The following ZMAT4 variants were observed in gnomAD, a reference collection of about 807,000 sequenced individuals.
The protein encoded by ZMAT4 is zinc finger matrin-type 4.
ZMAT4 carries 17 observed loss-of-function variants against 28.7 expected under a neutral mutation model. The observed-to-expected ratio is 0.59, with a 90% CI of 0.41 to 0.89. The LOEUF (loss-of-function observed/expected upper bound fraction) is 0.89. Ranked by LOEUF, ZMAT4 falls within the 40% of genes least tolerant of loss-of-function variation. The pLI is 0.00. For missense variants in ZMAT4, 240 were observed against 283.8 expected, an observed-to-expected ratio of 0.85 and a Z score of 1.11; for synonymous variants, 117 against 109.2, an observed-to-expected ratio of 1.07 and a Z score of -0.44.
At chr8:40,813,751 T>C (rs1815420863) in intron 2 of ZMAT4, among the ~76,000 whole-genome samples, 1 of 152,194 alleles carries the variant, frequency 6.6e-6, no homozygotes, top group Non-Finnish European at 1.5e-5. Context: ...ATGGAATTAA[T>C]GAAAAACATC....
At chr8:40,562,922 G>C (rs1276900387) in intron 6 of ZMAT4, among the ~76,000 whole-genome samples, 1 of 152,146 alleles carries the variant, frequency 6.6e-6, no homozygotes, top group Non-Finnish European at 1.5e-5. Context: ...CACGACGTGT[G>C]TGTGCACACA....
chr8:40,585,560 A>C (rs1804640415), intron 5 of ZMAT4, among the ~76,000 whole-genome samples: 1 of 152,152 alleles, frequency 6.6e-6, no homozygotes, highest in African/African-American at 2.4e-5. Context: ...GGGAACTTAA[A>C]TTTGTCAGAA....
intron 1 of ZMAT4, among the ~76,000 whole-genome samples, chr8:40,878,975 TG>T (rs1249304046): frequency 6.6e-6 from 1 of 152,230 alleles, no homozygotes; most frequent in African/African-American, 2.4e-5. Flanking sequence ...ATTCTGGCTG[TG>T]GCTTTGCTAC....
chr8:40,685,006 C>A (rs971137094), intron 4 of ZMAT4, among the ~76,000 whole-genome samples: 2 of 152,078 alleles, frequency 1.3e-5, no homozygotes, highest in Non-Finnish European at 2.9e-5. Context: ...GGTTTGCAAG[C>A]TATGAAAATT....
chr8:40,812,004 A>T (rs1423647603), intron 2 of ZMAT4, among the ~76,000 whole-genome samples: 1 of 150,842 alleles, frequency 6.6e-6, no homozygotes, highest in Non-Finnish European at 1.5e-5. Flanking sequence ...GGTGGTGCGC[A>T]CCTGTAATCC....
At chr8:40,757,549 G>T (rs1014909061) in intron 3 of ZMAT4, among the ~76,000 whole-genome samples, 1 of 149,698 alleles carries the variant, frequency 6.7e-6, no homozygotes, top group African/African-American at 2.5e-5. Flanking sequence ...TTGTGCCACT[G>T]CACTCCAGGC....
At chr8:40,807,643 C>T (rs1045015068) in intron 2 of ZMAT4, among the ~76,000 whole-genome samples, 4 of 152,160 alleles carry the variant, frequency 2.6e-5, no homozygotes, top group African/African-American at 9.7e-5. Flanking sequence ...CTTTTCTGAG[C>T]AAACACATTT....
intron 3 of ZMAT4, among the ~76,000 whole-genome samples, chr8:40,704,248 T>C (rs1002730253): frequency 3.3e-5 from 5 of 152,198 alleles, no homozygotes; most frequent in Admixed American, 2.0e-4. Flanking sequence ...ATGTCTCTTC[T>C]CTCCCACTTT....
At chr8:40,619,944 C>T (rs80109179) in intron 5 of ZMAT4, among the ~76,000 whole-genome samples, 4,674 of 152,234 alleles carry the variant, frequency 0.031, 115 homozygotes, top group East Asian at 0.12. Flanking sequence ...TGGCCCAAGA[C>T]ACTTCAATTT....
chr8:40,749,813 C>G (rs996259907), intron 3 of ZMAT4, among the ~76,000 whole-genome samples: 1 of 152,166 alleles, frequency 6.6e-6, no homozygotes, highest in Non-Finnish European at 1.5e-5. Flanking sequence ...ATTTAGGTGA[C>G]CTCACTTTTG....
At chr8:40,795,354 C>A (rs1202896803) in intron 2 of ZMAT4, among the ~76,000 whole-genome samples, 1 of 152,194 alleles carries the variant, frequency 6.6e-6, no homozygotes, top group African/African-American at 2.4e-5. Flanking sequence ...GTCTGTCCAT[C>A]AGGCAGCCAA....
At chr8:40,752,160 C>G (rs1487931671) in intron 3 of ZMAT4, among the ~76,000 whole-genome samples, 1 of 152,182 alleles carries the variant, frequency 6.6e-6, no homozygotes, top group African/African-American at 2.4e-5. Context: ...ATCCAGACAA[C>G]CTTCTGCTGC....
At chr8:40,675,891 A>G (rs1808888343) in intron 4 of ZMAT4, among the ~76,000 whole-genome samples, 1 of 152,222 alleles carries the variant, frequency 6.6e-6, no homozygotes, top group African/African-American at 2.4e-5. Flanking sequence ...TCTAAACAGA[A>G]TAGACATGTA....
intron 2 of ZMAT4, among the ~76,000 whole-genome samples, chr8:40,812,377 A>G (rs1266624509): frequency 6.6e-6 from 1 of 152,260 alleles, no homozygotes; most frequent in African/African-American, 2.4e-5. Flanking sequence ...CCAAGGACAC[A>G]TAACTCCAAT....
At chr8:40,657,040 A>G (rs1807958078) in intron 5 of ZMAT4, among the ~76,000 whole-genome samples, 1 of 152,098 alleles carries the variant, frequency 6.6e-6, no homozygotes, top group Non-Finnish European at 1.5e-5. Flanking sequence ...TTATTTATTT[A>G]CTTATTTTGA....
chr8:40,767,023 C>T (rs7837758), intron 3 of ZMAT4, among the ~76,000 whole-genome samples: 1,649 of 152,200 alleles, frequency 0.011, 22 homozygotes, highest in African/African-American at 0.038. Flanking sequence ...AAAAGTAACC[C>T]CTGCTGGGAG....
intron 5 of ZMAT4, among the ~76,000 whole-genome samples, chr8:40,658,723 G>A (rs1193107710): frequency 6.6e-6 from 1 of 151,266 alleles, no homozygotes; most frequent in Non-Finnish European, 1.5e-5. Flanking sequence ...CCAGTGCTAT[G>A]GTTCCCCAGA....
At chr8:40,566,823 A>G (rs1803939949) in intron 6 of ZMAT4, among the ~76,000 whole-genome samples, 1 of 152,076 alleles carries the variant, frequency 6.6e-6, no homozygotes, top group Non-Finnish European at 1.5e-5. Context: ...TTAGTAAGCT[A>G]TCTGGCCATG....
chr8:40,618,324 A>G (rs528685469), intron 5 of ZMAT4, among the ~76,000 whole-genome samples: 18 of 152,168 alleles, frequency 1.2e-4, no homozygotes, highest in Non-Finnish European at 2.4e-4. Flanking sequence ...ACCCACTGGT[A>G]TTTATCTTCC....
Sources: allele counts gnomAD v4.1 joint callset (sites outside exome capture counted in the v4.1 genomes callset), GRCh38; gene constraint gnomAD v4.1.1; transcripts MANE v1.5; gene names NCBI Gene and HGNC (gene_info 2026-07-23, HGNC 2026-07-21).